SPATA22: variants seen among roughly 807,000 people sequenced by gnomAD.
The protein encoded by SPATA22 is spermatogenesis-associated protein 22.
SPATA22 carries 29 observed loss-of-function variants against 47.8 expected under a neutral mutation model. That is an observed-to-expected ratio of 0.61 (90% CI 0.45 to 0.83). SPATA22 has a LOEUF of 0.83. Ranked by LOEUF, SPATA22 falls within the 40% of genes least tolerant of loss-of-function variation. The probability of loss-of-function intolerance (pLI) is 0.00; values close to 1 mark genes in which losing one functional copy is unlikely to be tolerated. For synonymous variants in SPATA22, 133 were observed against 140.9 expected, an observed-to-expected ratio of 0.94 and a Z score of 0.40; for missense variants, 410 against 421.7, an observed-to-expected ratio of 0.97 and a Z score of 0.24.
chr17:3,440,458 T>TA, intron 8 of SPATA22, 120 bp from the exon 9 acceptor site: 5 of 784,972 alleles, frequency 6.4e-6, no homozygotes, highest in Non-Finnish European at 7.8e-6. Context: ...TTCCTTCACG[T>TA]GAGTCAGGGC....
chr17:3,455,525 T>C (rs2072968391), intron 5 of SPATA22, among the ~76,000 whole-genome samples: 2 of 144,298 alleles, frequency 1.4e-5, no homozygotes, highest in African/African-American at 2.5e-5. Flanking sequence ...GCTAGCCAGT[T>C]TTCCCAGCAC....
At chr17:3,513,814 CA>C in exon 1 of SPATA22, 1 of 985,190 alleles carries the variant, frequency 1.0e-6, no homozygotes, top group South Asian at 1.4e-5. Context: ...TCTAGGCCAG[CA>C]GAGCCGGACT....
intron 1 of SPATA22, among the ~76,000 whole-genome samples, chr17:3,477,807 C>T (rs1255208274): frequency 6.6e-6 from 1 of 151,882 alleles, no homozygotes; most frequent in Non-Finnish European, 1.5e-5. Flanking sequence ...TCTCAGGAAA[C>T]TGTGCCAGGT....
At chr17:3,499,023 G>A in intron 1 of SPATA22, 1 of 1,614,174 alleles carries the variant, frequency 6.2e-7, no homozygotes, top group Non-Finnish European at 8.5e-7. Flanking sequence ...CGAAAAGAAA[G>A]AAGCTTTTGC....
At chr17:3,458,855 CAAAAAA>C (rs545223532) in intron 5 of SPATA22, among the ~76,000 whole-genome samples, 10 of 38,344 alleles carry the variant, frequency 2.6e-4, no homozygotes, top group Non-Finnish European at 3.6e-4. Flanking sequence ...CGAAACTTCA[CAAAAAA>C]AAAAAAAAAA....
chr17:3,505,845 C>T (rs2074036504), intron 1 of SPATA22, among the ~76,000 whole-genome samples: 1 of 151,704 alleles, frequency 6.6e-6, no homozygotes, highest in African/African-American at 2.4e-5. Context: ...GTAGCCTCTG[C>T]CTCCCGGGTT....
chr17:3,471,766 G>C lies in SPATA22; in HGVS notation c.-158C>G. On this transcript the variant is annotated 5_prime_UTR_variant, in exon 1 of 9. Coordinates refer to ENST00000572969, the MANE Select transcript of SPATA22 (RefSeq NM_001170698.2). ...CTCGCCTCCGTCAACCGTCGTCCAG[G>C]CGGCCCCGTCAGCAACCGCCGCCCT... 4 of 985,646 alleles carry C rather than the reference G, an allele frequency of 4.1e-6. No homozygotes were observed. The highest frequency in any genetic ancestry group is 5.2e-4 in the Middle Eastern group (1 of 1,914). The allele number at this position is 985,646 out of a possible 1,614,324, so 61.1% of individuals were successfully genotyped here. A position where few individuals can be genotyped will look rare whatever the true frequency, so the allele number is the denominator to read the frequency against.
intron 1 of SPATA22, chr17:3,481,893 A>G: frequency 8.3e-7 from 1 of 1,204,004 alleles, no homozygotes; most frequent in Non-Finnish European, 1.2e-6. Context: ...TTATGAGGGA[A>G]GGTGCAAGAG....
exon 1 of SPATA22, chr17:3,513,654 G>A: frequency 2.7e-6 from 1 of 374,048 alleles, no homozygotes; most frequent in Non-Finnish European, 4.8e-6. Context: ...ACTTCAGGAG[G>A]CTCCCAGGCT....
At chr17:3,513,225 C>A (rs1024289383) in intron 1 of SPATA22, 2 of 152,666 alleles carry the variant, frequency 1.3e-5, no homozygotes, top group African/African-American at 4.8e-5. Flanking sequence ...ACTGAAATGT[C>A]TTTTCCGTAT....
chr17:3,443,609 A>C (rs907176500), intron 7 of SPATA22, among the ~76,000 whole-genome samples: 1 of 152,158 alleles, frequency 6.6e-6, no homozygotes, highest in South Asian at 2.1e-4. Context: ...TAAAATGCAC[A>C]TGTGTAACAA....
intron 5 of SPATA22, 125 bp downstream of exon 5, chr17:3,462,358 T>C: frequency 3.1e-6 from 2 of 653,306 alleles, no homozygotes; most frequent in Admixed American, 2.9e-5. Flanking sequence ...TAGTTGTTAT[T>C]TATAGAAATT....
chr17:3,462,868 A>G (rs770350562), intron 3 of SPATA22, 101 bp from the exon 4 acceptor site: 2 of 926,210 alleles, frequency 2.2e-6, no homozygotes, highest in Non-Finnish European at 3.5e-6. Context: ...AAACTTGAAG[A>G]AGAAAAAACT....
chr17:3,498,075 A>G (rs2073937318), intron 1 of SPATA22, among the ~76,000 whole-genome samples: 1 of 152,156 alleles, frequency 6.6e-6, no homozygotes, highest in Non-Finnish European at 1.5e-5. Context: ...GACTCTCCCC[A>G]GCCCAGCACC....
At chr17:3,440,454 C>T (rs117159068) in intron 8 of SPATA22, 116 bp from the exon 9 acceptor site, 13,896 of 831,450 alleles carry the variant, frequency 0.017, 162 homozygotes, top group Non-Finnish European at 0.021. Flanking sequence ...ATAATTCCTT[C>T]ACGTGAGTCA....
At chr17:3,473,930 A>G (rs2073484685), upstream of SPATA22, 1 of 152,250 alleles carries the variant, frequency 6.6e-6, no homozygotes, top group African/African-American at 2.4e-5. Flanking sequence ...ATAATGAGAT[A>G]GTGACAATTC....
intron 5 of SPATA22, among the ~76,000 whole-genome samples, chr17:3,456,314 GA>G (rs1343635055): frequency 6.7e-6 from 1 of 150,128 alleles, no homozygotes; most frequent in African/African-American, 2.5e-5. Flanking sequence ...GACTAATAAA[GA>G]AAAAAAGAGA....
intron 5 of SPATA22, among the ~76,000 whole-genome samples, chr17:3,452,915 G>A (rs36099874): frequency 0.23 from 35,580 of 151,908 alleles, 4,441 homozygotes; most frequent in East Asian, 0.43. Context: ...GAAAAGCCCA[G>A]GACCAGATGA....
intron 1 of SPATA22, among the ~76,000 whole-genome samples, chr17:3,489,070 C>T (rs944041267): frequency 2.0e-5 from 3 of 152,176 alleles, no homozygotes; most frequent in Admixed American, 6.5e-5. Flanking sequence ...TTCTGCTTCA[C>T]GTTTTGCCAA....
Sources: allele counts gnomAD v4.1 joint callset (sites outside exome capture counted in the v4.1 genomes callset), GRCh38; gene constraint gnomAD v4.1.1; transcripts MANE v1.5; gene names NCBI Gene and HGNC (gene_info 2026-07-23, HGNC 2026-07-21).